Variants in SLC8A1 observed in about 807,000 individuals in gnomAD.
The protein encoded by SLC8A1 is solute carrier family 8 member A1.
A neutral mutation model predicts 68.3 loss-of-function variants in SLC8A1; 18 were observed. The observed-to-expected ratio is 0.26, with a 90% CI of 0.18 to 0.39. The LOEUF (loss-of-function observed/expected upper bound fraction) is 0.39. SLC8A1 is among the 10% of genes least tolerant of loss of function. The pLI is 1.00. For synonymous variants in SLC8A1, 475 were observed against 415.5 expected (o/e 1.14, Z -1.74); for missense variants, 985 against 1,156.7 (o/e 0.85, Z 2.15).
intron 2 of SLC8A1, among the ~76,000 whole-genome samples, chr2:40,271,577 C>G (rs189443356): frequency 6.6e-6 from 1 of 152,138 alleles, no homozygotes; most frequent in Admixed American, 6.6e-5. Flanking sequence ...CTATTTTCCA[C>G]GTTGATTATT....
intron 1 of SLC8A1, among the ~76,000 whole-genome samples, chr2:40,437,971 G>A (rs1438893509): frequency 1.3e-5 from 2 of 152,096 alleles, no homozygotes; most frequent in Non-Finnish European, 2.9e-5. Flanking sequence ...CTGAAGAGAA[G>A]AGACTTTCCT....
At chr2:40,266,159 C>A (rs2065332094) in intron 2 of SLC8A1, among the ~76,000 whole-genome samples, 1 of 152,122 alleles carries the variant, frequency 6.6e-6, no homozygotes, top group Non-Finnish European at 1.5e-5. Flanking sequence ...AATATGTGTG[C>A]ATTTTTAAAA....
At chr2:40,151,567 CATAAG>C (rs2043440811) in intron 6 of SLC8A1, among the ~76,000 whole-genome samples, 1 of 151,742 alleles carries the variant, frequency 6.6e-6, no homozygotes. Context: ...ATTAATAGAG[CATAAG>C]ATATTTTAAG....
chr2:40,114,319 G>A (rs766491709), exon 8 of SLC8A1: 2 of 152,814 alleles, frequency 1.3e-5, no homozygotes, highest in Admixed American at 6.5e-5. Flanking sequence ...ATGGGACTGA[G>A]ACACATGTTA....
intron 2 of SLC8A1, among the ~76,000 whole-genome samples, chr2:40,369,906 CT>C (rs1677490188): frequency 1.3e-5 from 2 of 151,958 alleles, no homozygotes; most frequent in Admixed American, 1.3e-4. Flanking sequence ...CTTAAATACA[CT>C]GAAGACATAA....
chr2:40,247,803 T>C (rs576754922), intron 2 of SLC8A1, among the ~76,000 whole-genome samples: 40 of 152,288 alleles, frequency 2.6e-4, no homozygotes, highest in Non-Finnish European at 5.6e-4. Flanking sequence ...AGAAACCCAA[T>C]ATGCACAGAA....
chr2:40,369,492 T>G (rs984707), intron 2 of SLC8A1, among the ~76,000 whole-genome samples: 101,455 of 151,906 alleles, frequency 0.67, 34,836 homozygotes, highest in African/African-American at 0.82. Context: ...GATTTAGCAT[T>G]GCTAATGTTA....
upstream of SLC8A1, among the ~76,000 whole-genome samples, chr2:40,455,719 C>T (rs554080424): frequency 1.3e-5 from 2 of 152,134 alleles, no homozygotes; most frequent in African/African-American, 4.8e-5. Flanking sequence ...TTTGAGAATT[C>T]TTTGTTGACT....
intron 2 of SLC8A1, among the ~76,000 whole-genome samples, chr2:40,261,522 T>A (rs2064698586): frequency 6.6e-6 from 1 of 152,174 alleles, no homozygotes; most frequent in Non-Finnish European, 1.5e-5. Flanking sequence ...AATCCCAAGG[T>A]CTTTCTTGGC....
chr2:40,199,040 T>C (rs940356325), intron 2 of SLC8A1, among the ~76,000 whole-genome samples: 2 of 151,726 alleles, frequency 1.3e-5, no homozygotes, highest in East Asian at 1.9e-4. Flanking sequence ...TAAAATCCTA[T>C]AGTAATACAA....
At chr2:40,233,649 T>G in intron 2 of SLC8A1, among the ~76,000 whole-genome samples, 1 of 139,376 alleles carries the variant, frequency 7.2e-6, no homozygotes, top group South Asian at 2.3e-4. Flanking sequence ...GCTTTTGGTG[T>G]TTTAGACATG....
Position 40,253,946 on chromosome 2 carries a change from G to C in SLC8A1, c.1809-76091C>G, listed in dbSNP as rs192847353. Among the ~76,000 whole-genome samples the C allele has an allele frequency of 2.1e-4, 30 of 142,050 alleles. 1 individual carries two copies. In the East Asian group the frequency reaches 5.2e-3, roughly 25 times the overall value. The allele number at this position is 142,050 out of a possible 152,430, so 93.2% of individuals were successfully genotyped here. On this transcript the variant is annotated intron_variant, in intron 2 of 7. Transcript: ENST00000406785. The stretch of plus-strand genomic sequence containing the variant: ...AGTTAGCTAAAAAGAATAAGTTCCA[G>C]TGTTTGATAGCACAACAGGGTGACT...
chr2:40,328,554 T>C (rs2076085867), intron 2 of SLC8A1, among the ~76,000 whole-genome samples: 1 of 152,188 alleles, frequency 6.6e-6, no homozygotes, highest in African/African-American at 2.4e-5. Context: ...CCAATCTCTA[T>C]TTTCAGCTCT....
At chr2:40,158,914 C>T (rs1324637215) in intron 6 of SLC8A1, among the ~76,000 whole-genome samples, 1 of 152,172 alleles carries the variant, frequency 6.6e-6, no homozygotes, top group Non-Finnish European at 1.5e-5. Flanking sequence ...TATACCTATT[C>T]TCACCAGAAT....
chr2:40,387,590 T>G (rs1683964314), intron 2 of SLC8A1, among the ~76,000 whole-genome samples: 1 of 151,442 alleles, frequency 6.6e-6, no homozygotes, highest in Admixed American at 6.6e-5. Flanking sequence ...ATTTTCATAA[T>G]AAACTATCTA....
chr2:40,323,003 G>A (rs1322612972), intron 2 of SLC8A1, among the ~76,000 whole-genome samples: 1 of 152,160 alleles, frequency 6.6e-6, no homozygotes, highest in South Asian at 2.1e-4. Context: ...TAAAATTTTA[G>A]TTCAATAATT....
intron 2 of SLC8A1, chr2:40,254,485 TCTCTTGAA>T (rs768364814): frequency 2.3e-4 from 26 of 114,558 alleles, no homozygotes; most frequent in Non-Finnish European, 3.9e-4. Context: ...AAAGAATTAC[TCTCTTGAA>T]CTCTTGAAAA....
At chr2:40,175,096 G>A (rs1320495326) in intron 3 of SLC8A1, among the ~76,000 whole-genome samples, 165 bp downstream of exon 4, 1 of 152,044 alleles carries the variant, frequency 6.6e-6, no homozygotes, top group Non-Finnish European at 1.5e-5. Flanking sequence ...AATTAAAAAT[G>A]CAATATAAAC....
At chr2:40,263,140 G>C (rs1396242020) in intron 2 of SLC8A1, among the ~76,000 whole-genome samples, 1 of 152,172 alleles carries the variant, frequency 6.6e-6, no homozygotes, top group African/African-American at 2.4e-5. Flanking sequence ...CAGCTGATGA[G>C]GATGACTGAA....
Sources: gnomAD v4.1 joint callset for allele counts (sites outside exome capture counted in the v4.1 genomes callset) on GRCh38, gnomAD v4.1.1 for gene constraint, MANE v1.5 for transcripts, NCBI Gene and HGNC (gene_info 2026-07-23, HGNC 2026-07-21) for gene names.